Variants in ANKS1B observed in about 807,000 individuals in gnomAD.
ANKS1B encodes ankyrin repeat and sterile alpha motif domain-containing protein 1B.
In ANKS1B, 36 loss-of-function variants were observed where a neutral mutation model predicts 148.3. That is an observed-to-expected ratio of 0.24 (90% CI 0.19 to 0.32). The LOEUF (loss-of-function observed/expected upper bound fraction) is 0.32, where lower values mean the gene tolerates loss of function less well. Ranked by LOEUF, ANKS1B falls within the 10% of genes least tolerant of loss-of-function variation. The pLI is 1.00. For missense variants in ANKS1B, 1,157 were observed against 1,542.6 expected (o/e 0.75, Z 4.19); for synonymous variants, 542 against 560.8 (o/e 0.97, Z 0.47).
intron 17 of ANKS1B, among the ~76,000 whole-genome samples, chr12:98,913,102 A>G (rs1016824501): frequency 6.6e-6 from 1 of 152,218 alleles, no homozygotes; most frequent in Non-Finnish European, 1.5e-5. Context: ...TTGAATATGA[A>G]ATGTCTGAAT....
chr12:99,173,331 C>T (rs2078003675), intron 14 of ANKS1B, among the ~76,000 whole-genome samples: 1 of 152,084 alleles, frequency 6.6e-6, no homozygotes, highest in Non-Finnish European at 1.5e-5. Flanking sequence ...CCATTTTCTA[C>T]TAATATTGTG....
chr12:99,296,986 A>G (rs1016758736), intron 12 of ANKS1B, among the ~76,000 whole-genome samples: 1 of 152,188 alleles, frequency 6.6e-6, no homozygotes, highest in Admixed American at 6.6e-5. Context: ...CATTTCAGAA[A>G]CATAGATTTT....
intron 3 of ANKS1B, among the ~76,000 whole-genome samples, chr12:99,809,938 T>C (rs1355742470): frequency 1.3e-5 from 2 of 152,074 alleles, no homozygotes; most frequent in African/African-American, 4.8e-5. Context: ...CAATCTACTC[T>C]ATCTCTCTAA....
chr12:99,224,664 G>GA (rs1469395356), intron 14 of ANKS1B, among the ~76,000 whole-genome samples: 1 of 152,070 alleles, frequency 6.6e-6, no homozygotes, highest in Non-Finnish European at 1.5e-5. Context: ...CCTATTTTCT[G>GA]AAAAAATTAC....
rs552909723 is a variant in ANKS1B, at chr12:98,738,816, G to A, written c.691-3182C>T. On this transcript the variant is annotated intron_variant, in intron 9 of 9. Transcript: ENST00000341752. ...TGGGGAAAGTCATCCAATAGCTTAC[G>A]TGATGGTTTTGGAGATGTTCTTATA... is the stretch of plus-strand genomic sequence containing the variant. 2.6e-5 allele frequency among the ~76,000 whole-genome samples: 4 copies of A among 152,316 alleles called. 1 individual carries two copies. The highest frequency in any genetic ancestry group is 7.2e-5 in the African/African-American group (3 of 41,576).
At chr12:99,002,028 T>C (rs1254584177) in intron 17 of ANKS1B, among the ~76,000 whole-genome samples, 1 of 152,230 alleles carries the variant, frequency 6.6e-6, no homozygotes. Context: ...TATGCATACA[T>C]ATTGTCTTTA....
chr12:99,641,772 C>T (rs972454399), intron 9 of ANKS1B, among the ~76,000 whole-genome samples: 10 of 152,200 alleles, frequency 6.6e-5, no homozygotes, highest in Middle Eastern at 3.4e-3. Flanking sequence ...TACTGATTTC[C>T]TCTTTAACAG....
chr12:99,099,367 TAA>T (rs1487483223), intron 15 of ANKS1B, among the ~76,000 whole-genome samples: 1 of 152,156 alleles, frequency 6.6e-6, no homozygotes, highest in Non-Finnish European at 1.5e-5. Flanking sequence ...TGGCACTGGA[TAA>T]AAGAGATGCC....
chr12:99,189,135 A>G (rs2080291075), intron 14 of ANKS1B, among the ~76,000 whole-genome samples: 1 of 152,226 alleles, frequency 6.6e-6, no homozygotes, highest in South Asian at 2.1e-4. Flanking sequence ...TCCCAAGCCT[A>G]AACCAGGAAG....
intron 2 of ANKS1B, among the ~76,000 whole-genome samples, chr12:99,814,899 G>A (rs1158490833): frequency 1.3e-5 from 2 of 151,656 alleles, no homozygotes; most frequent in Non-Finnish European, 3.0e-5. Flanking sequence ...GCATTTAAAA[G>A]GCAAAATAAT....
intron 14 of ANKS1B, among the ~76,000 whole-genome samples, chr12:99,183,507 G>A (rs1447992761): frequency 6.6e-6 from 1 of 152,144 alleles, no homozygotes; most frequent in African/African-American, 2.4e-5. Flanking sequence ...GCCAGGCGTG[G>A]TGGTGGTCGC....
intron 14 of ANKS1B, among the ~76,000 whole-genome samples, chr12:99,206,588 A>ACTC (rs1462215894): frequency 2.6e-5 from 4 of 152,130 alleles, no homozygotes; most frequent in Non-Finnish European, 5.9e-5. Context: ...TCATTTAGTT[A>ACTC]CTCTTCCACC....
intron 16 of ANKS1B, among the ~76,000 whole-genome samples, chr12:99,065,646 T>TC (rs377729187): frequency 8.9e-5 from 12 of 134,450 alleles, no homozygotes; most frequent in Middle Eastern, 3.8e-3. Flanking sequence ...ATCCCATCCA[T>TC]CCATCCATCC....
intron 10 of ANKS1B, among the ~76,000 whole-genome samples, chr12:99,482,979 G>A (rs2096435791): frequency 6.6e-6 from 1 of 151,232 alleles, no homozygotes; most frequent in Non-Finnish European, 1.5e-5. Context: ...CTATTTGAAT[G>A]CCTTTTATTT....
At chr12:99,823,839 G>C (rs2082820687) in intron 2 of ANKS1B, among the ~76,000 whole-genome samples, 2 of 152,168 alleles carry the variant, frequency 1.3e-5, no homozygotes, top group Admixed American at 1.3e-4. Flanking sequence ...ATTTATTGAA[G>C]AGGGAGTCCT....
At chr12:99,923,440 G>C (rs556546484) in intron 1 of ANKS1B, among the ~76,000 whole-genome samples, 83 of 152,274 alleles carry the variant, frequency 5.5e-4, no homozygotes, top group Middle Eastern at 3.4e-3. Flanking sequence ...TGGATGCCAG[G>C]CTTTTATAAC....
rs369016480 is a variant in ANKS1B at position 98,952,272 on chromosome 12, G to T, written c.2778+100885C>A. Among the ~76,000 whole-genome samples the T allele has an allele frequency of 5.6e-4, 86 of 152,296 alleles. 2 individuals are homozygous for T. In the South Asian group the frequency reaches 9.7e-3, roughly 17 times the overall value. ...TCACTGAGGTGAGAGGTTAAAGTGG[G>T]TCATTCAAGGCCACAGAGCAGGCAG... On this transcript the variant is annotated intron_variant, in intron 17 of 26. Coordinates refer to ENST00000683438, the MANE Select transcript of ANKS1B (RefSeq NM_001352186.2).
intron 8 of ANKS1B, among the ~76,000 whole-genome samples, chr12:99,741,206 A>AACACACACACACACACACACACAC (rs774613671): frequency 3.7e-5 from 5 of 135,338 alleles, no homozygotes; most frequent in Non-Finnish European, 6.3e-5. Flanking sequence ...GGCTCCGTCA[A>AACACACACACACACACACACACAC]ACACACACAC....
intron 17 of ANKS1B, among the ~76,000 whole-genome samples, chr12:98,848,742 G>GTTTTTTTTTTTTTTT (rs1567128578): frequency 1.6e-4 from 2 of 12,778 alleles, no homozygotes; most frequent in African/African-American, 3.5e-4. Context: ...GTGTATGTGT[G>GTTTTTTTTTTTTTTT]GTTTTTTTTT....
Sources: allele counts gnomAD v4.1 joint callset (sites outside exome capture counted in the v4.1 genomes callset), GRCh38; gene constraint gnomAD v4.1.1; transcripts MANE v1.5; gene names NCBI Gene and HGNC (gene_info 2026-07-23, HGNC 2026-07-21).